Variants in LSAMP observed in about 807,000 individuals in gnomAD.
The protein encoded by LSAMP is limbic system-associated membrane protein.
Under a neutral mutation model 38.6 loss-of-function variants are expected in LSAMP, and 7 were observed. The ratio of observed to expected loss-of-function variants is 0.18; its 90% CI spans 0.10 to 0.34. The LOEUF (loss-of-function observed/expected upper bound fraction) is 0.34, where lower values mean the gene tolerates loss of function less well. LSAMP is among the 10% of genes least tolerant of loss of function. The pLI, the probability that LSAMP is intolerant of heterozygous loss-of-function variation, is 1.00. For missense variants in LSAMP, 313 were observed against 420.0 expected (o/e 0.75, Z 2.23); for synonymous variants, 154 against 166.8 (o/e 0.92, Z 0.59).
At chr3:115,813,176 T>C (rs1216255720) in intron 6 of LSAMP, among the ~76,000 whole-genome samples, 1 of 152,208 alleles carries the variant, frequency 6.6e-6, no homozygotes, top group East Asian at 1.9e-4. Context: ...CATAATATTA[T>C]TATATACAGT....
chr3:116,164,732 A>C, intron 1 of LSAMP, among the ~76,000 whole-genome samples: 1 of 103,742 alleles, frequency 9.6e-6, no homozygotes, highest in Non-Finnish European at 1.8e-5. Flanking sequence ...TAATCCAAAT[A>C]TATATATATC....
At chr3:116,037,013 A>G (rs989662026) in intron 2 of LSAMP, among the ~76,000 whole-genome samples, 1 of 152,190 alleles carries the variant, frequency 6.6e-6, no homozygotes, top group African/African-American at 2.4e-5. Context: ...TAGAGGAGAA[A>G]GACAATACCT....
intron 3 of LSAMP, among the ~76,000 whole-genome samples, chr3:115,950,403 C>A (rs1938242797): frequency 6.6e-6 from 1 of 151,974 alleles, no homozygotes; most frequent in Non-Finnish European, 1.5e-5. Flanking sequence ...ATACAAAAAT[C>A]AATGTATACA....
At chr3:115,880,408 T>G (rs1248928315) in intron 3 of LSAMP, among the ~76,000 whole-genome samples, 1 of 152,220 alleles carries the variant, frequency 6.6e-6, no homozygotes, top group African/African-American at 2.4e-5. Context: ...TCTTAAATTT[T>G]GTTTTGCCTT....
chr3:116,296,351 T>G (rs1282312583), intron 1 of LSAMP, among the ~76,000 whole-genome samples: 1 of 152,130 alleles, frequency 6.6e-6, no homozygotes, highest in African/African-American at 2.4e-5. Context: ...CAGCAATATT[T>G]GCTTTGTTCA....
At chr3:115,997,530 GT>G (rs1939848272) in intron 3 of LSAMP, among the ~76,000 whole-genome samples, 1 of 151,278 alleles carries the variant, frequency 6.6e-6, no homozygotes, top group Non-Finnish European at 1.5e-5. Flanking sequence ...AAAAGAATGT[GT>G]GTGTATGTGT....
intron 1 of LSAMP, among the ~76,000 whole-genome samples, chr3:116,401,207 T>C (rs2048837077): frequency 6.6e-6 from 1 of 152,212 alleles, no homozygotes; most frequent in Non-Finnish European, 1.5e-5. Context: ...AGAGATTTAT[T>C]AAAGAGAAAC....
At chr3:116,033,375 T>C (rs550315041) in intron 2 of LSAMP, among the ~76,000 whole-genome samples, 85 of 152,288 alleles carry the variant, frequency 5.6e-4, no homozygotes, top group Non-Finnish European at 1.8e-4. Flanking sequence ...GGGCCTCTTG[T>C]TCCACCTGTC....
intron 1 of LSAMP, among the ~76,000 whole-genome samples, chr3:116,371,837 G>C (rs2048433848): frequency 6.6e-6 from 1 of 151,880 alleles, no homozygotes; most frequent in African/African-American, 2.4e-5. Flanking sequence ...TTTCAGCAAA[G>C]TAGTACACAA....
At chr3:116,444,086 T>C (rs2049471088) in intron 1 of LSAMP, among the ~76,000 whole-genome samples, 1 of 152,062 alleles carries the variant, frequency 6.6e-6, no homozygotes, top group Non-Finnish European at 1.5e-5. Flanking sequence ...GACTTTGAAG[T>C]CAATAATCAA....
chr3:116,180,192 C>T (rs564727578), intron 1 of LSAMP, among the ~76,000 whole-genome samples: 2 of 152,216 alleles, frequency 1.3e-5, no homozygotes, highest in East Asian at 1.9e-4. Context: ...CCGTGCATTA[C>T]ATGAATACAG....
intron 3 of LSAMP, among the ~76,000 whole-genome samples, chr3:115,876,387 C>T (rs1322044072): frequency 1.3e-5 from 2 of 151,032 alleles, no homozygotes; most frequent in South Asian, 2.1e-4. Context: ...CACACTCTGA[C>T]CAGTAATGCA....
rs558146654 is a variant in LSAMP at position 116,070,491 on chromosome 3, A to G, written c.388+15833T>C. 2.0e-5 allele frequency among the ~76,000 whole-genome samples: 3 copies of G among 152,358 alleles called. No individual in the cohort carries two copies. The South Asian group carries it at 6.2e-4, about 32-fold the overall frequency. ...AAAGTGGACACTGAAATGTCAGACTATAAGCTCTAGCTTGGCTAGACAGGC... is the reference window on the plus strand; with the variant it reads ...AAAGTGGACACTGAAATGTCAGACTGTAAGCTCTAGCTTGGCTAGACAGGC... On this transcript the variant is annotated intron_variant, in intron 2 of 6. Coordinates refer to ENST00000490035, the MANE Select transcript of LSAMP (RefSeq NM_002338.5).
chr3:116,422,702 T>C (rs2049143702), intron 1 of LSAMP, among the ~76,000 whole-genome samples: 1 of 152,202 alleles, frequency 6.6e-6, no homozygotes, highest in Admixed American at 6.5e-5. Context: ...TGATAATGAA[T>C]TGAAATGAAT....
intron 1 of LSAMP, among the ~76,000 whole-genome samples, chr3:116,430,899 C>A (rs1443482801): frequency 2.6e-5 from 4 of 151,928 alleles, no homozygotes; most frequent in East Asian, 1.9e-4. Context: ...AAATTATAAA[C>A]TACCATATTT....
At chr3:116,256,300 C>A (rs540527932) in intron 1 of LSAMP, among the ~76,000 whole-genome samples, 2 of 152,242 alleles carry the variant, frequency 1.3e-5, no homozygotes, top group South Asian at 4.1e-4. Context: ...GCAAAACCAA[C>A]CAGCAAAGCA....
chr3:116,148,293 A>G (rs1315820494), intron 1 of LSAMP, among the ~76,000 whole-genome samples: 1 of 151,968 alleles, frequency 6.6e-6, no homozygotes, highest in East Asian at 1.9e-4. Flanking sequence ...AAAAGAAATA[A>G]TCATTTTGCA....
intron 1 of LSAMP, among the ~76,000 whole-genome samples, chr3:116,208,994 G>C (rs974082820): frequency 7.2e-4 from 110 of 152,294 alleles, no homozygotes; most frequent in African/African-American, 2.5e-3. Context: ...CGCCCCTCCC[G>C]GAGCCTCGCT....
At chr3:116,202,209 C>A (rs2045997553) in intron 1 of LSAMP, among the ~76,000 whole-genome samples, 1 of 151,646 alleles carries the variant, frequency 6.6e-6, no homozygotes, top group Admixed American at 6.6e-5. Flanking sequence ...AATATCATCT[C>A]ACTGCAACCT....
Sources: gnomAD v4.1 joint callset for allele counts (sites outside exome capture counted in the v4.1 genomes callset) on GRCh38, gnomAD v4.1.1 for gene constraint, MANE v1.5 for transcripts, NCBI Gene and HGNC (gene_info 2026-07-23, HGNC 2026-07-21) for gene names.